Variants in PCYT1A observed in about 807,000 individuals in gnomAD.
The protein encoded by PCYT1A is choline-phosphate cytidylyltransferase A.
PCYT1A carries 25 observed loss-of-function variants against 43.7 expected under a neutral mutation model. The observed-to-expected ratio is 0.57, with a 90% CI of 0.42 to 0.80. The LOEUF (loss-of-function observed/expected upper bound fraction) is 0.80. PCYT1A is among the 30% of genes least tolerant of loss of function. PCYT1A has a pLI of 0.00. For missense variants in PCYT1A, 421 were observed against 474.2 expected (o/e 0.89, Z 1.04); for synonymous variants, 172 against 170.7 (o/e 1.01, Z -0.06).
intron 8 of PCYT1A, 74 bp from the exon 9 acceptor site, chr3:196,238,968 G>C: frequency 2.2e-6 from 2 of 902,134 alleles, no homozygotes; most frequent in South Asian, 4.4e-5. Flanking sequence ...ATCTAGGACT[G>C]GGATAGTCTA....
Position 196,270,280 on chromosome 3 carries a change from GGCAGCA to G in PCYT1A, c.117+129_117+134del. 4.3e-6 allele frequency: 3 copies of G among 705,222 alleles called. No individual in the cohort carries two copies. The Middle Eastern group carries it at 7.6e-4, about 178-fold the overall frequency. 43.7% of individuals were successfully genotyped at this position (705,222 alleles called of 1,614,324 possible). On this transcript the variant is annotated intron_variant, in intron 2 of 8. Transcript: ENST00000431016. ...GCTGTGAGTCATAATCCAGTAAAAAGGCAGCAGATTTCCAGTGACTGTGAAAATACA... is the reference window on the plus strand; with the variant it reads ...GCTGTGAGTCATAATCCAGTAAAAAGGATTTCCAGTGACTGTGAAAATACA...
chr3:196,265,072 TA>T (rs1422598198), intron 2 of PCYT1A, among the ~76,000 whole-genome samples: 9 of 151,864 alleles, frequency 5.9e-5, no homozygotes, highest in African/African-American at 2.2e-4. Context: ...TTTATTTATT[TA>T]TTTTTTTTGA....
rs199892891 is a variant in PCYT1A at position 196,235,327 on chromosome 3, CCAT to C, written c.*3358_*3360del. On this transcript the variant is annotated 3_prime_UTR_variant, in exon 9 of 9. Transcript: ENST00000431016. The surrounding 1 kb of genome is among the most constrained non-coding windows in gnomAD (Gnocchi z 4.3). ...TCAGGTACAGCCTCCAAAAACACCA[CCAT>C]CACTCAGGTGCAGCCTAAGGAGTCA... 0.017 allele frequency: 2,544 copies of C among 152,412 alleles called. 38 individuals are homozygous for C. Among genetic ancestry groups the C allele is most frequent in the Non-Finnish European group, 0.026 (1,740 of 68,086 alleles). 9.4% of individuals were successfully genotyped at this position (152,412 alleles called of 1,614,324 possible).
At chr3:196,283,547 G>C (rs1043426147) in intron 1 of PCYT1A, 3 of 152,066 alleles carry the variant, frequency 2.0e-5, no homozygotes. Context: ...TGCTGCAAAC[G>C]TAAAAAGGTA....
chr3:196,256,273 C>T (rs537913370), intron 3 of PCYT1A, among the ~76,000 whole-genome samples: 3 of 152,208 alleles, frequency 2.0e-5, no homozygotes, highest in Non-Finnish European at 2.9e-5. Flanking sequence ...GGGTGGATCA[C>T]GAGGTCAGGA....
Position 196,277,715 on chromosome 3 carries a change from A to T in PCYT1A, c.-10-7174T>A, listed in dbSNP as rs1381378436. On this transcript the variant is annotated intron_variant, in intron 1 of 8. Transcript: ENST00000431016. This position sits in a 1 kb window ranked among gnomAD's most constrained non-coding sequence, Gnocchi z 4.1. ...GTGAAACCCCATCTCTACTAAAAAT[A>T]CAAAAATTAGCTGAGCGTGGTGGCA... Among the ~76,000 whole-genome samples, 3 of 152,130 alleles carry T rather than the reference A, an allele frequency of 2.0e-5. No individual in the cohort carries two copies. Among genetic ancestry groups the T allele is most frequent in the Admixed American group, 6.5e-5 (1 of 15,272 alleles).
At position 196,277,673 on chromosome 3, in the gene PCYT1A, C is replaced by G. The variant is rs1465775764; in HGVS notation, c.-10-7132G>C. Among the ~76,000 whole-genome samples, 1 of 152,170 alleles carries G rather than the reference C, an allele frequency of 6.6e-6. No homozygotes were observed. The highest frequency in any genetic ancestry group is 1.5e-5 in the Non-Finnish European group (1 of 68,040). Reference sequence around the variant, plus strand: ...ATCACATGAGGTCAGGAGTTCGCAACCAGCCTGGCCAACATGGTGAAACCC... The same window carrying G: ...ATCACATGAGGTCAGGAGTTCGCAAGCAGCCTGGCCAACATGGTGAAACCC... On this transcript the variant is annotated intron_variant, in intron 1 of 8. Coordinates refer to ENST00000431016, the MANE Select transcript of PCYT1A (RefSeq NM_001312673.2). This position sits in a 1 kb window ranked among gnomAD's most constrained non-coding sequence, Gnocchi z 4.1.
In PCYT1A at chr3:196,237,020, C is replaced by G. The variant is rs1724182964; in HGVS notation, c.*1668G>C. ...TAGTCCTGCTGTGCAGGCAATGATT[C>G]TAGCCTCTGACCCTCAGGCGGAAAA... On this transcript the variant is annotated 3_prime_UTR_variant, in exon 9 of 9. Transcript: ENST00000431016. 6.6e-6 allele frequency: 1 copy of G among 152,236 alleles called. No homozygotes were observed. Among genetic ancestry groups the G allele is most frequent in the Non-Finnish European group, 1.5e-5 (1 of 68,056 alleles). The allele number at this position is 152,236 out of a possible 1,614,324, so 9.4% of individuals were successfully genotyped here.
intron 3 of PCYT1A, among the ~76,000 whole-genome samples, chr3:196,255,303 T>C (rs1282263462): frequency 6.6e-6 from 1 of 152,232 alleles, no homozygotes; most frequent in Non-Finnish European, 1.5e-5. Flanking sequence ...ATGCTTACAA[T>C]GAGTAGCACC....
At chr3:196,244,346 C>T (rs1452785354) in intron 5 of PCYT1A, among the ~76,000 whole-genome samples, 9 of 147,362 alleles carry the variant, frequency 6.1e-5, no homozygotes, top group Non-Finnish European at 1.2e-4. Flanking sequence ...GCCGCCATCC[C>T]GTCTAGGAAG....
intron 2 of PCYT1A, among the ~76,000 whole-genome samples, chr3:196,264,650 T>G (rs1250056937): frequency 1.3e-5 from 2 of 152,192 alleles, no homozygotes; most frequent in East Asian, 3.8e-4. Context: ...GGCCTATACT[T>G]AGCCATAAGC....
rs542380359 is a variant in PCYT1A at position 196,261,561 on chromosome 3, G to A, written c.118-3674C>T. ...TACCAGCACTTTGGGAGGCCGAGGC[G>A]GGTAGACCACCTTAGGTCGGGAGTT... On this transcript the variant is annotated intron_variant, in intron 2 of 8. Coordinates refer to ENST00000431016, the MANE Select transcript of PCYT1A (RefSeq NM_001312673.2). 5.9e-5 allele frequency among the ~76,000 whole-genome samples: 9 copies of A among 152,152 alleles called. No individual in the cohort carries two copies. In the South Asian group the frequency reaches 6.2e-4, roughly 11 times the overall value.
chr3:196,242,655 A>T lies in PCYT1A; in HGVS notation c.487-15T>A. ...ACAAAATCAATCTGAAAATAAGGAAACATCATTAAAACCCATGATAACTGC... is the reference window on the plus strand; with the variant it reads ...ACAAAATCAATCTGAAAATAAGGAATCATCATTAAAACCCATGATAACTGC... On this transcript the variant is annotated splice_polypyrimidine_tract_variant and intron_variant, in intron 5 of 8. Transcript: ENST00000431016. The surrounding 1 kb of genome is among the most constrained non-coding windows in gnomAD (Gnocchi z 4.2). 1 of 1,548,454 alleles carries T rather than the reference A, an allele frequency of 6.5e-7. No homozygotes were observed. Among genetic ancestry groups the T allele is most frequent in the East Asian group, 2.2e-5 (1 of 44,528 alleles).
In PCYT1A at chr3:196,242,821, T is replaced by C; in HGVS notation, c.487-181A>G. ...TCACAAACCACCCAACCTAATGATT[T>C]ATGGAGTATACATATGAAGTTAGCC... On this transcript the variant is annotated intron_variant, in intron 5 of 8. Transcript: ENST00000431016. This position sits in a 1 kb window ranked among gnomAD's most constrained non-coding sequence, Gnocchi z 4.2. The C allele has an allele frequency of 1.6e-6, 1 of 618,106 alleles. No homozygotes were observed. The highest frequency in any genetic ancestry group is 2.9e-6 in the Non-Finnish European group (1 of 340,858). 38.3% of individuals were successfully genotyped at this position (618,106 alleles called of 1,614,324 possible). A position where few individuals can be genotyped will look rare whatever the true frequency, so the allele number is the denominator to read the frequency against.
chr3:196,286,617 G>C (rs1308239787), intron 1 of PCYT1A, among the ~76,000 whole-genome samples: 1 of 152,110 alleles, frequency 6.6e-6, no homozygotes. Flanking sequence ...CTTTTTAAAA[G>C]AAAAGTACAG....
rs2108777788 is a variant in PCYT1A, at chr3:196,270,516, A to G, written c.16T>C (p.Ser6Pro). MDAQC[S>P]AKVNARKRRK... The stretch of plus-strand genomic sequence containing the variant: ...CTCTTCCTTGCATTGACCTTGGCTG[A>G]ACACTGTGCATCCATCTTCTTTTAA... The change falls in exon 2 of 9, where the codon TCA becomes CCA. Residue 6 changes from serine (S) to proline (P), a missense_variant. By Grantham distance (74) the Ser-to-Pro change is moderately conservative (BLOSUM62 -1). Transcript: ENST00000431016. The G allele has an allele frequency of 6.2e-7, 1 of 1,613,218 alleles. No individual in the cohort carries two copies. Among genetic ancestry groups the G allele is most frequent in the East Asian group, 2.2e-5 (1 of 44,882 alleles).
intron 1 of PCYT1A, among the ~76,000 whole-genome samples, chr3:196,272,616 G>C (rs1342460985): frequency 1.3e-5 from 2 of 152,040 alleles, no homozygotes; most frequent in African/African-American, 4.8e-5. Flanking sequence ...ACTGCACCTG[G>C]CCCTTCCCCT....
intron 3 of PCYT1A, among the ~76,000 whole-genome samples, chr3:196,248,987 C>T (rs998741173): frequency 4.7e-5 from 7 of 149,518 alleles, no homozygotes; most frequent in African/African-American, 9.9e-5. Flanking sequence ...GTCTCGATCT[C>T]CTGACCTCGT....
At chr3:196,248,529 G>A (rs769112342) in intron 3 of PCYT1A, among the ~76,000 whole-genome samples, 17 of 151,638 alleles carry the variant, frequency 1.1e-4, no homozygotes, top group Non-Finnish European at 1.8e-4. Flanking sequence ...ATGTCATCAC[G>A]CCTGCCTAAT....
Sources: gnomAD v4.1 joint callset for allele counts (sites outside exome capture counted in the v4.1 genomes callset) on GRCh38, gnomAD v4.1.1 for gene constraint, Gnocchi (gnomAD v3.1) non-coding constraint, MANE v1.5 for transcripts, NCBI Gene and HGNC (gene_info 2026-07-23, HGNC 2026-07-21) for gene names.